Variants in STX8 observed in about 807,000 individuals in gnomAD.
STX8 encodes syntaxin-8.
In STX8, 23 loss-of-function variants were observed where a neutral mutation model predicts 37.5. The ratio of observed to expected loss-of-function variants is 0.61; its 90% CI spans 0.44 to 0.87. The LOEUF (loss-of-function observed/expected upper bound fraction) is 0.87, where lower values mean the gene tolerates loss of function less well. Ranked by LOEUF, STX8 falls within the 40% of genes least tolerant of loss-of-function variation. STX8 has a pLI of 0.00. For synonymous variants in STX8, 115 were observed against 99.1 expected, an observed-to-expected ratio of 1.16 and a Z score of -0.95; for missense variants, 313 against 284.7, an observed-to-expected ratio of 1.10 and a Z score of -0.71.
chr17:9,341,982 A>G (rs2142232923), intron 7 of STX8, among the ~76,000 whole-genome samples: 1 of 152,238 alleles, frequency 6.6e-6, no homozygotes, highest in East Asian at 1.9e-4. Flanking sequence ...TGTGCACTCT[A>G]GGGCAGCCAT....
At chr17:9,428,702 A>C (rs752833271) in intron 6 of STX8, among the ~76,000 whole-genome samples, 1 of 152,246 alleles carries the variant, frequency 6.6e-6, no homozygotes, top group Non-Finnish European at 1.5e-5. Context: ...ATATAGCCAA[A>C]TATTACCATT....
chr17:9,377,378 G>GCAGCCT (rs1405062160), intron 7 of STX8, among the ~76,000 whole-genome samples: 1 of 151,728 alleles, frequency 6.6e-6, no homozygotes, highest in Non-Finnish European at 1.5e-5. Flanking sequence ...ATGGCTCACT[G>GCAGCCT]CAGCCTCAGC....
intron 6 of STX8, among the ~76,000 whole-genome samples, chr17:9,480,739 G>T (rs914372561): frequency 2.0e-5 from 3 of 152,134 alleles, no homozygotes; most frequent in Non-Finnish European, 4.4e-5. Context: ...GCCAAAGTCC[G>T]CTGAATGAAA....
At chr17:9,465,636 C>T (rs1486902668) in intron 6 of STX8, among the ~76,000 whole-genome samples, 2 of 152,168 alleles carry the variant, frequency 1.3e-5, no homozygotes, top group Admixed American at 1.3e-4. Context: ...TCAAACATTT[C>T]TTCAAGCAGC....
chr17:9,357,261 C>T (rs1910915733), intron 7 of STX8, among the ~76,000 whole-genome samples: 1 of 152,052 alleles, frequency 6.6e-6, no homozygotes, highest in Non-Finnish European at 1.5e-5. Context: ...AGCCACTGCG[C>T]CCGGCCCTTC....
chr17:9,294,649 A>T (rs1268902151), intron 7 of STX8, among the ~76,000 whole-genome samples: 1 of 152,226 alleles, frequency 6.6e-6, no homozygotes, highest in East Asian at 1.9e-4. Context: ...CATTGATGAA[A>T]CATAAGGAAG....
At chr17:9,523,924 G>A (rs1388696050) in intron 4 of STX8, among the ~76,000 whole-genome samples, 2 of 152,164 alleles carry the variant, frequency 1.3e-5, no homozygotes, top group African/African-American at 4.8e-5. Context: ...ATGCATTCAA[G>A]ATGCACAAAA....
intron 6 of STX8, among the ~76,000 whole-genome samples, chr17:9,440,360 C>T (rs1283014726): frequency 6.0e-4 from 92 of 152,088 alleles, no homozygotes; most frequent in Non-Finnish European, 8.8e-5. Context: ...CCAAACCTGC[C>T]GATTCCTCCT....
At chr17:9,262,566 T>G (rs964800896) in intron 7 of STX8, among the ~76,000 whole-genome samples, 3 of 147,806 alleles carry the variant, frequency 2.0e-5, no homozygotes, top group East Asian at 4.0e-4. Context: ...GTGTTTTTTG[T>G]TTTTTTTGTT....
chr17:9,409,031 C>A (rs761633226), intron 6 of STX8, among the ~76,000 whole-genome samples: 3 of 151,974 alleles, frequency 2.0e-5, no homozygotes, highest in Non-Finnish European at 2.9e-5. Context: ...TGCTCAGAAC[C>A]TCTCTATTCC....
At chr17:9,557,636 C>T (rs1907032746) in intron 2 of STX8, 108 bp from the exon 3 acceptor site, 4 of 936,868 alleles carry the variant, frequency 4.3e-6, no homozygotes, top group East Asian at 2.8e-5. Flanking sequence ...CAAGCAAGGG[C>T]TGGAAGAGAT....
chr17:9,528,704 C>A (rs1371115820), intron 4 of STX8, among the ~76,000 whole-genome samples: 3 of 150,642 alleles, frequency 2.0e-5, no homozygotes, highest in Non-Finnish European at 4.4e-5. Flanking sequence ...GGAGGGAATA[C>A]GGAAAGGGAA....
chr17:9,411,393 C>A (rs537761665), intron 6 of STX8, among the ~76,000 whole-genome samples: 1 of 152,284 alleles, frequency 6.6e-6, no homozygotes, highest in East Asian at 1.9e-4. Context: ...GTGCTTAGAT[C>A]TGAAAAAAGC....
intron 2 of STX8, among the ~76,000 whole-genome samples, chr17:9,559,101 G>A (rs1057300462): frequency 6.6e-6 from 1 of 151,988 alleles, no homozygotes; most frequent in African/African-American, 2.4e-5. Context: ...AACCATGAAA[G>A]CACCATGGTT....
intron 7 of STX8, among the ~76,000 whole-genome samples, chr17:9,329,398 GA>G (rs1252934055): frequency 2.0e-5 from 3 of 152,206 alleles, no homozygotes; most frequent in Admixed American, 2.0e-4. Flanking sequence ...ACTCCTGGCT[GA>G]AACTAAATCA....
intron 7 of STX8, among the ~76,000 whole-genome samples, chr17:9,298,769 G>A (rs1011491768): frequency 6.6e-6 from 1 of 152,100 alleles, no homozygotes; most frequent in Non-Finnish European, 1.5e-5. Flanking sequence ...CCGAGATCAC[G>A]CCACTGCACT....
intron 7 of STX8, among the ~76,000 whole-genome samples, chr17:9,275,173 T>C (rs534295423): frequency 1.3e-5 from 2 of 152,170 alleles, no homozygotes; most frequent in Non-Finnish European, 2.9e-5. Flanking sequence ...GCAACCATCC[T>C]CTTGAGCTCC....
intron 7 of STX8, among the ~76,000 whole-genome samples, chr17:9,369,886 C>CAAAAAAAAA (rs60178482): frequency 1.2e-4 from 6 of 52,146 alleles, no homozygotes; most frequent in Non-Finnish European, 1.5e-4. Flanking sequence ...GACCCTGTAC[C>CAAAAAAAAA]AAAAAAAAAA....
At chr17:9,498,389 C>G (rs1157137778) in intron 5 of STX8, among the ~76,000 whole-genome samples, 2 of 88,830 alleles carry the variant, frequency 2.3e-5, no homozygotes, top group Non-Finnish European at 2.4e-5. Context: ...GACACCATCT[C>G]AAAAAAAAAA....
Sources: allele counts gnomAD v4.1 joint callset (sites outside exome capture counted in the v4.1 genomes callset), GRCh38; gene constraint gnomAD v4.1.1; transcripts MANE v1.5; gene names NCBI Gene and HGNC (gene_info 2026-07-23, HGNC 2026-07-21).